Variants in PCDH17 observed in about 807,000 individuals in gnomAD.
The protein encoded by PCDH17 is protocadherin 17.
A neutral mutation model predicts 67.7 loss-of-function variants in PCDH17; 21 were observed. The ratio of observed to expected loss-of-function variants is 0.31; its 90% CI spans 0.22 to 0.45. The LOEUF is 0.45. Among genes scored for constraint, PCDH17 ranks in the 20% least tolerant of loss-of-function variants. The pLI is 1.00. For missense variants in PCDH17, 1,471 were observed against 1,564.8 expected, an observed-to-expected ratio of 0.94 and a Z score of 1.01; for synonymous variants, 701 against 656.7, an observed-to-expected ratio of 1.07 and a Z score of -1.03.
At chr13:57,711,402 G>A (rs1224007931) in intron 3 of PCDH17, among the ~76,000 whole-genome samples, 1 of 151,808 alleles carries the variant, frequency 6.6e-6, no homozygotes, top group Non-Finnish European at 1.5e-5. Context: ...CCACTAAGTG[G>A]TTCTCAGAGA....
chr13:57,676,398 C>T (rs1955391656), intron 3 of PCDH17, among the ~76,000 whole-genome samples: 1 of 151,724 alleles, frequency 6.6e-6, no homozygotes, highest in Non-Finnish European at 1.5e-5. Context: ...ACTGCAGGAA[C>T]AACATTTGGG....
intron 3 of PCDH17, 151 bp downstream of exon 3, chr13:57,666,984 G>A: frequency 1.7e-6 from 1 of 584,302 alleles, no homozygotes; most frequent in Non-Finnish European, 2.6e-6. Flanking sequence ...CAGAAAAAAA[G>A]CAACCATTGA....
At chr13:57,657,644 G>A (rs142041706) in intron 1 of PCDH17, among the ~76,000 whole-genome samples, 3 of 152,310 alleles carry the variant, frequency 2.0e-5, no homozygotes, top group Admixed American at 6.5e-5. Context: ...CAGAATGCTT[G>A]TTATCAATGT....
rs1955770208 is a variant in PCDH17, at chr13:57,710,915, C to G, written c.2798-13697C>G. 2.6e-5 allele frequency among the ~76,000 whole-genome samples: 4 copies of G among 151,920 alleles called. No individual in the cohort carries two copies. The South Asian group carries it at 8.3e-4, about 32-fold the overall frequency. On this transcript the variant is annotated intron_variant, in intron 3 of 3. Transcript: ENST00000377918. ...AAGGTTATAGTTGGGAAAGTTATAC[C>G]TGTCCTTGATTTGGGGGTAAAAAGG...
rs373915196 is a variant in PCDH17 at position 57,693,315 on chromosome 13, C to CATATATATATGTATATATATAT, written c.2797+26492_2797+26493insGTATATATATATATATATATAT. Among the ~76,000 whole-genome samples, 5 of 89,358 alleles carry CATATATATATGTATATATATAT rather than the reference C, an allele frequency of 5.6e-5. No individual in the cohort carries two copies. In the East Asian group the frequency reaches 8.9e-4, roughly 16 times the overall value. The allele number at this position is 89,358 out of a possible 152,430, so 58.6% of individuals were successfully genotyped here. A position where few individuals can be genotyped will look rare whatever the true frequency, so the allele number is the denominator to read the frequency against. On this transcript the variant is annotated intron_variant, in intron 3 of 3. Transcript: ENST00000377918. ...CTTGGTATATTTGTTCACTTACATT[C>CATATATATATGTATATATATAT]ATATATATATATATATATATATATA...
chr13:57,683,049 GC>G (rs1955469750), intron 3 of PCDH17, among the ~76,000 whole-genome samples: 1 of 151,764 alleles, frequency 6.6e-6, no homozygotes, highest in African/African-American at 2.4e-5. Flanking sequence ...GGTTACTAGA[GC>G]TTTTGCGTGA....
chr13:57,686,686 A>C (rs1469307183), intron 3 of PCDH17, among the ~76,000 whole-genome samples: 2 of 152,036 alleles, frequency 1.3e-5, no homozygotes, highest in Non-Finnish European at 2.9e-5. Flanking sequence ...AATATAAAAA[A>C]CTAGATTTGG....
At chr13:57,663,632 G>A (rs1029944743) in intron 1 of PCDH17, among the ~76,000 whole-genome samples, 6 of 152,100 alleles carry the variant, frequency 3.9e-5, no homozygotes, top group African/African-American at 9.7e-5. Flanking sequence ...TGGCTATTAC[G>A]TTATGGTAAT....
intron 3 of PCDH17, among the ~76,000 whole-genome samples, chr13:57,686,317 A>T (rs1955507590): frequency 6.6e-6 from 1 of 152,016 alleles, no homozygotes. Flanking sequence ...GCAGAAAAGG[A>T]CTGAGACCAA....
Position 57,634,548 on chromosome 13 carries a change from C to A in PCDH17, c.2002C>A (p.His668Asn), listed in dbSNP as rs751066622. The A allele has an allele frequency of 1.2e-6, 2 of 1,612,990 alleles. No individual in the cohort carries two copies. The highest frequency in any genetic ancestry group is 2.2e-5 in the East Asian group (1 of 44,804). Residue 668 changes from histidine to asparagine, a missense_variant, in exon 1 of 4, where the codon CAC becomes AAC. His to Asn is a moderately conservative substitution (Grantham distance 68). Transcript: ENST00000377918. The surrounding 1 kb of genome is among the most constrained non-coding windows in gnomAD (Gnocchi z 7.8). ...VVELVVKVTD[H>N]GKPTLSAVAK... The stretch of plus-strand genomic sequence containing the variant: ...GGAGCTGGTGGTGAAGGTGACCGAC[C>A]ACGGCAAGCCTACCCTGTCCGCAGT...
chr13:57,719,500 G>A (rs2138099997), intron 3 of PCDH17, among the ~76,000 whole-genome samples: 1 of 152,084 alleles, frequency 6.6e-6, no homozygotes, highest in Admixed American at 6.6e-5. Context: ...AAACTCCTGT[G>A]CTGCAAACTA....
upstream of PCDH17, among the ~76,000 whole-genome samples, chr13:57,631,022 C>G (rs1293871625): frequency 1.3e-5 from 2 of 152,090 alleles, no homozygotes; most frequent in African/African-American, 4.8e-5. Flanking sequence ...CAGCTCTGCA[C>G]CCCCTGCCCT....
At chr13:57,681,242 T>TTAAG (rs1260844821) in intron 3 of PCDH17, among the ~76,000 whole-genome samples, 1 of 151,730 alleles carries the variant, frequency 6.6e-6, no homozygotes. Context: ...TCTTAGATGA[T>TTAAG]TAAGTGCAAA....
chr13:57,707,109 C>T (rs922944885), intron 3 of PCDH17, among the ~76,000 whole-genome samples: 2 of 152,060 alleles, frequency 1.3e-5, no homozygotes, highest in Non-Finnish European at 2.9e-5. Context: ...ACACATCACA[C>T]TTAGCTTGGA....
chr13:57,632,473 G>C lies in PCDH17; in HGVS notation c.-74G>C. On this transcript the variant is annotated 5_prime_UTR_variant, in exon 1 of 4. Transcript: ENST00000377918. ...CGTCGCGCGCGCACGCTGCGCCAGG[G>C]CCCCAGGCTGGCGCGCACTCCCTCT... The C allele has an allele frequency of 6.8e-7, 1 of 1,466,574 alleles. No individual in the cohort carries two copies. Among genetic ancestry groups the C allele is most frequent in the Non-Finnish European group, 9.2e-7 (1 of 1,086,954 alleles). 90.8% of individuals were successfully genotyped at this position (1,466,574 alleles called of 1,614,324 possible).
intron 3 of PCDH17, among the ~76,000 whole-genome samples, chr13:57,696,380 AAATT>A (rs1462385445): frequency 1.3e-5 from 2 of 151,438 alleles, no homozygotes; most frequent in Non-Finnish European, 3.0e-5. Flanking sequence ...AATTTCGTGT[AAATT>A]AATTATGTTT....
At chr13:57,701,784 G>C (rs1955665024) in intron 3 of PCDH17, among the ~76,000 whole-genome samples, 1 of 151,962 alleles carries the variant, frequency 6.6e-6, no homozygotes, top group Admixed American at 6.6e-5. Context: ...TAACATTTTT[G>C]CTTCAAATGT....
At chr13:57,657,179 A>C (rs1955116423) in intron 1 of PCDH17, among the ~76,000 whole-genome samples, 1 of 152,174 alleles carries the variant, frequency 6.6e-6, no homozygotes, top group Non-Finnish European at 1.5e-5. Context: ...TACCCAGATT[A>C]CTTTAAGAAA....
intron 1 of PCDH17, among the ~76,000 whole-genome samples, chr13:57,647,593 G>A (rs1165093793): frequency 1.3e-5 from 2 of 151,674 alleles, no homozygotes; most frequent in African/African-American, 4.8e-5. Flanking sequence ...GGGGTGGATT[G>A]GATTGAGCAG....
Sources: allele counts gnomAD v4.1 joint callset (sites outside exome capture counted in the v4.1 genomes callset), GRCh38; gene constraint gnomAD v4.1.1; non-coding constraint Gnocchi (gnomAD v3.1); transcripts MANE v1.5; gene names NCBI Gene and HGNC (gene_info 2026-07-23, HGNC 2026-07-21).